Variants in CHRNB1 observed in about 807,000 individuals in gnomAD.
The protein encoded by CHRNB1 is cholinergic receptor nicotinic beta 1 subunit.
CHRNB1 carries 47 observed loss-of-function variants against 53.8 expected under a neutral mutation model. That is an observed-to-expected ratio of 0.87 (90% CI 0.69 to 1.11). CHRNB1 has a LOEUF of 1.11. Among genes scored for constraint, CHRNB1 ranks in the 50% most tolerant of loss-of-function variants. CHRNB1 has a pLI of 0.00. For missense variants in CHRNB1, 605 were observed against 654.9 expected (o/e 0.92, Z 0.83); for synonymous variants, 259 against 263.5 (o/e 0.98, Z 0.16).
chr17:7,445,654 G>A lies in CHRNB1; in HGVS notation c.198+245G>A. 1 of 1,405,070 alleles carries A rather than the reference G, an allele frequency of 7.1e-7. No individual in the cohort carries two copies. The highest frequency in any genetic ancestry group is 9.3e-7 in the Non-Finnish European group (1 of 1,071,638). The allele number at this position is 1,405,070 out of a possible 1,614,324, so 87.0% of individuals were successfully genotyped here. On this transcript the variant is annotated intron_variant, in intron 2 of 10. Coordinates refer to ENST00000306071, the MANE Select transcript of CHRNB1 (RefSeq NM_000747.3). This position sits in a 1 kb window ranked among gnomAD's most constrained non-coding sequence, Gnocchi z 5.7. ...GGACCTGTGATCGGACCTTAAAGTG[G>A]GGCTGGGGACGAGGCAGGGGCTGGG...
chr17:7,447,486 C>T lies in CHRNB1; in HGVS notation c.463-17C>T, dbSNP rs761845535. The T allele has an allele frequency of 5.0e-6, 8 of 1,614,000 alleles. No individual in the cohort carries two copies. Among genetic ancestry groups the T allele is most frequent in the African/African-American group, 1.3e-5 (1 of 74,908 alleles). On this transcript the variant is annotated splice_polypyrimidine_tract_variant and intron_variant, in intron 5 of 10. Coordinates refer to ENST00000306071, the MANE Select transcript of CHRNB1 (RefSeq NM_000747.3). The stretch of plus-strand genomic sequence containing the variant: ...ACTGGTTCTCTGGCAGCTCTAGTGA[C>T]TCTCTCCTCCATCCAGGTCACCTAC...
rs767254632 is a variant in CHRNB1, at chr17:7,445,097, T to G, written c.-31T>G. On this transcript the variant is annotated 5_prime_UTR_variant, in exon 1 of 11. Coordinates refer to ENST00000306071, the MANE Select transcript of CHRNB1 (RefSeq NM_000747.3). This position sits in a 1 kb window ranked among gnomAD's most constrained non-coding sequence, Gnocchi z 5.7. ...TGTGCTGGCGGTCCCAGCGGCTCTC[T>G]GAGCGAAGTCACTGAGCGAGCCGCC... 1.9e-6 allele frequency: 3 copies of G among 1,602,594 alleles called. No individual in the cohort carries two copies. The highest frequency in any genetic ancestry group is 2.2e-5 in the East Asian group (1 of 44,662).
rs886053403 is a variant in CHRNB1, at chr17:7,455,385, C to G, written c.1146C>G (p.Gly382=). Residue 382 remains glycine (G), a synonymous_variant, in exon 9 of 11, where the codon GGC becomes GGG. Transcript: ENST00000306071. ...CTCACTGTTCTTCTCCAGGAAGTGG[C>G]TGGGGTCGGGGAACAGATGAATATT... The part of the protein sequence containing the change: ...EPPHCSSPGS[G]WGRGTDEYFI... 1.2e-6 allele frequency: 2 copies of G among 1,614,158 alleles called. No individual in the cohort carries two copies. Among genetic ancestry groups the G allele is most frequent in the Non-Finnish European group, 1.7e-6 (2 of 1,180,044 alleles).
intron 7 of CHRNB1, among the ~76,000 whole-genome samples, chr17:7,453,284 AT>A (rs1173081127): frequency 1.5e-4 from 23 of 151,716 alleles, no homozygotes; most frequent in Non-Finnish European, 3.2e-4. Flanking sequence ...TGCCCAGCTA[AT>A]TTTTTGTATT....
intron 7 of CHRNB1, 95 bp downstream of exon 7, chr17:7,448,883 C>T (rs1908773413): frequency 7.4e-7 from 1 of 1,345,402 alleles, no homozygotes; most frequent in African/African-American, 1.4e-5. Context: ...CAATCCAAAG[C>T]ATCATAGATT....
At chr17:7,447,703 C>A in intron 6 of CHRNB1, 53 bp downstream of exon 6, 1 of 1,605,618 alleles carries the variant, frequency 6.2e-7, no homozygotes, top group Admixed American at 1.7e-5. Flanking sequence ...CAGCTTCTAA[C>A]AGACTCATAA....
rs1243661646 is a variant in CHRNB1 at position 7,457,644 on chromosome 17, C to T, written c.*921C>T. 1.3e-5 allele frequency: 2 copies of T among 151,880 alleles called. No individual in the cohort carries two copies. Among genetic ancestry groups the T allele is most frequent in the African/African-American group, 4.8e-5 (2 of 41,354 alleles). 9.4% of individuals were successfully genotyped at this position (151,880 alleles called of 1,614,324 possible). ...GGTCTTGTGGTCGTTTTCTTTTTACCTTTCTGTAATTTATTATGTTTTGTA... is the reference window on the plus strand; with the variant it reads ...GGTCTTGTGGTCGTTTTCTTTTTACTTTTCTGTAATTTATTATGTTTTGTA... On this transcript the variant is annotated 3_prime_UTR_variant, in exon 11 of 11. Transcript: ENST00000306071.
chr17:7,451,258 T>G (rs1377212243), intron 7 of CHRNB1, among the ~76,000 whole-genome samples: 2 of 138,492 alleles, frequency 1.4e-5, no homozygotes, highest in Non-Finnish European at 3.1e-5. Context: ...CAGGTTCTTT[T>G]CTTTTCTTTT....
In CHRNB1 at chr17:7,445,684, G is replaced by A. The variant is rs368232494; in HGVS notation, c.198+275G>A. On this transcript the variant is annotated intron_variant, in intron 2 of 10. Transcript: ENST00000306071. The surrounding 1 kb of genome is among the most constrained non-coding windows in gnomAD (Gnocchi z 5.7). ...GGGGACGAGGCAGGGGCTGGGGGACGGACCTCGACGTAGGGCCACATGAGT... is the reference window on the plus strand; with the variant it reads ...GGGGACGAGGCAGGGGCTGGGGGACAGACCTCGACGTAGGGCCACATGAGT... 48 of 1,246,518 alleles carry A rather than the reference G, an allele frequency of 3.9e-5. 1 individual carries two copies. The South Asian group carries it at 6.7e-4, about 17-fold the overall frequency. 77.2% of individuals were successfully genotyped at this position (1,246,518 alleles called of 1,614,324 possible). A position where few individuals can be genotyped will look rare whatever the true frequency, so the allele number is the denominator to read the frequency against.
chr17:7,445,761 C>A lies in CHRNB1; in HGVS notation c.199-308C>A. 2.9e-6 allele frequency: 2 copies of A among 678,104 alleles called. No homozygotes were observed. The highest frequency in any genetic ancestry group is 4.8e-6 in the Non-Finnish European group (2 of 413,020). The allele number at this position is 678,104 out of a possible 1,614,324, so 42.0% of individuals were successfully genotyped here. A position where few individuals can be genotyped will look rare whatever the true frequency, so the allele number is the denominator to read the frequency against. Reference sequence around the variant, plus strand: ...TTGGTGCTCAGGGGTCAATAAATGGCAGCGGGTGGAGGTTCGGGGCTGGGT... The same window carrying A: ...TTGGTGCTCAGGGGTCAATAAATGGAAGCGGGTGGAGGTTCGGGGCTGGGT... On this transcript the variant is annotated intron_variant, in intron 2 of 10. Transcript: ENST00000306071. This position sits in a 1 kb window ranked among gnomAD's most constrained non-coding sequence, Gnocchi z 5.7.
chr17:7,448,645 G>A lies in CHRNB1; in HGVS notation c.677G>A (p.Gly226Glu). The A allele has an allele frequency of 6.2e-7, 1 of 1,614,176 alleles. No individual in the cohort carries two copies. Among genetic ancestry groups the A allele is most frequent in the African/African-American group, 1.3e-5 (1 of 75,040 alleles). ...RLIQPPGDPR[G>E]GREGQRQEVI... The stretch of plus-strand genomic sequence containing the variant: ...ATCCAGCCTCCAGGCGATCCTAGGG[G>A]AGGGAGGGAAGGACAGCGCCAGGAA... Residue 226 changes from glycine (G) to glutamate (E), a missense_variant, in exon 7 of 11, where the codon GGA becomes GAA. Transcript: ENST00000306071.
chr17:7,445,706 G>A lies in CHRNB1; in HGVS notation c.198+297G>A, dbSNP rs964203718. The A allele has an allele frequency of 3.9e-5, 40 of 1,038,872 alleles. No individual in the cohort carries two copies. In the African/African-American group the frequency reaches 6.1e-4, roughly 16 times the overall value. 64.4% of individuals were successfully genotyped at this position (1,038,872 alleles called of 1,614,324 possible). ...GACGGACCTCGACGTAGGGCCACAT[G>A]AGTCCTGAGTGCCCAGGGTGGGGCG... On this transcript the variant is annotated intron_variant, in intron 2 of 10. Transcript: ENST00000306071. This position sits in a 1 kb window ranked among gnomAD's most constrained non-coding sequence, Gnocchi z 5.7.
In CHRNB1 at chr17:7,445,544, A is replaced by C; in HGVS notation, c.198+135A>C. 2.0e-6 allele frequency: 3 copies of C among 1,515,886 alleles called. No homozygotes were observed. The highest frequency in any genetic ancestry group is 2.6e-6 in the Non-Finnish European group (3 of 1,135,926). The allele number at this position is 1,515,886 out of a possible 1,614,324, so 93.9% of individuals were successfully genotyped here. On this transcript the variant is annotated intron_variant, in intron 2 of 10. Transcript: ENST00000306071. The surrounding 1 kb of genome is among the most constrained non-coding windows in gnomAD (Gnocchi z 5.7). ...GCTGAGATGGACCAGCCTTTGGTGA[A>C]GATTGGATCGAAATCAGACCAATGG... is the stretch of plus-strand genomic sequence containing the variant.
chr17:7,445,976 G>A lies in CHRNB1; in HGVS notation c.199-93G>A, dbSNP rs995427737. 8.9e-7 allele frequency: 1 copy of A among 1,124,322 alleles called. No homozygotes were observed. Among genetic ancestry groups the A allele is most frequent in the African/African-American group, 1.5e-5 (1 of 65,394 alleles). 69.6% of individuals were successfully genotyped at this position (1,124,322 alleles called of 1,614,324 possible). On this transcript the variant is annotated intron_variant, in intron 2 of 10. Transcript: ENST00000306071. This position sits in a 1 kb window ranked among gnomAD's most constrained non-coding sequence, Gnocchi z 5.7. ...CGAGAGGATGGGGCTCAGAAAAAGG[G>A]GGCGGCGTTCCCAGGAGAGAGGTTG... is the stretch of plus-strand genomic sequence containing the variant.
chr17:7,452,968 G>A (rs1908940754), intron 7 of CHRNB1, among the ~76,000 whole-genome samples: 1 of 152,218 alleles, frequency 6.6e-6, no homozygotes, highest in Admixed American at 6.5e-5. Context: ...AGGTTGCAGT[G>A]AGCTGCAATC....
Position 7,445,209 on chromosome 17 carries a change from A to G in CHRNB1, c.58+24A>G. On this transcript the variant is annotated intron_variant, in intron 1 of 10. Coordinates refer to ENST00000306071, the MANE Select transcript of CHRNB1 (RefSeq NM_000747.3). The surrounding 1 kb of genome is among the most constrained non-coding windows in gnomAD (Gnocchi z 5.7). ...AGGTAAGTGTAGGCCCCGAAGGGGC[A>G]GTGACGGGGCCAGCGGTCGTGGCCA... 1 of 1,611,416 alleles carries G rather than the reference A, an allele frequency of 6.2e-7. No individual in the cohort carries two copies. Among genetic ancestry groups the G allele is most frequent in the Non-Finnish European group, 8.5e-7 (1 of 1,179,440 alleles).
Position 7,446,321 on chromosome 17 carries a change from GTGTGTC to G in CHRNB1, c.243+214_243+219del, listed in dbSNP as rs757115955. On this transcript the variant is annotated intron_variant, in intron 3 of 10. Coordinates refer to ENST00000306071, the MANE Select transcript of CHRNB1 (RefSeq NM_000747.3). ...TCCAATTTTGTGTGTGTGTGTGTGT[GTGTGTC>G]TGTGTGTGTGTGTGTGTGTGTGTGT... is the stretch of plus-strand genomic sequence containing the variant. 0.29 allele frequency: 78,749 copies of G among 275,282 alleles called. 5,355 individuals carry two copies. The highest frequency in any genetic ancestry group is 0.43 in the Admixed American group (6,937 of 16,148). The allele number at this position is 275,282 out of a possible 1,614,324, so 17.1% of individuals were successfully genotyped here.
At position 7,446,432 on chromosome 17, in the gene CHRNB1, C is replaced by T. The variant is rs1328538672; in HGVS notation, c.243+319C>T. The stretch of plus-strand genomic sequence containing the variant: ...GAATGCGGGGGCTCGAGCCATCCAC[C>T]AGCCTCGGGGGGAACCTCCACAAGT... On this transcript the variant is annotated intron_variant, in intron 3 of 10. Coordinates refer to ENST00000306071, the MANE Select transcript of CHRNB1 (RefSeq NM_000747.3). 9.4e-6 allele frequency: 5 copies of T among 529,296 alleles called. No individual in the cohort carries two copies. In the South Asian group the frequency reaches 1.0e-4, roughly 11 times the overall value. 32.8% of individuals were successfully genotyped at this position (529,296 alleles called of 1,614,324 possible). A position where few individuals can be genotyped will look rare whatever the true frequency, so the allele number is the denominator to read the frequency against.
Position 7,448,559 on chromosome 17 carries a change from C to G in CHRNB1, c.611-20C>G. ...GGACAGCTCTCACATCTGTGTTCCC[C>G]TCCTTCTGCTCATCCCCAGAGAATG... On this transcript the variant is annotated intron_variant, in intron 6 of 10. Coordinates refer to ENST00000306071, the MANE Select transcript of CHRNB1 (RefSeq NM_000747.3). 1 of 1,613,194 alleles carries G rather than the reference C, an allele frequency of 6.2e-7. No individual in the cohort carries two copies. The highest frequency in any genetic ancestry group is 8.5e-7 in the Non-Finnish European group (1 of 1,179,274).
Sources: allele counts gnomAD v4.1 joint callset (sites outside exome capture counted in the v4.1 genomes callset), GRCh38; gene constraint gnomAD v4.1.1; non-coding constraint Gnocchi (gnomAD v3.1); transcripts MANE v1.5; gene names NCBI Gene and HGNC (gene_info 2026-07-23, HGNC 2026-07-21).